The following MYO5C variants were observed in gnomAD, a reference collection of about 807,000 sequenced individuals.
MYO5C encodes the protein myosin VC, also known as unconventional myosin-Vc.
MYO5C carries 194 observed loss-of-function variants against 235.7 expected under a neutral mutation model. The observed-to-expected ratio is 0.82, with a 90% CI of 0.73 to 0.93. The LOEUF is 0.93. MYO5C is among the 40% of genes least tolerant of loss of function. The pLI is 0.00. For synonymous variants in MYO5C, 707 were observed against 754.8 expected, an observed-to-expected ratio of 0.94 and a Z score of 1.04; for missense variants, 2,038 against 2,127.2, an observed-to-expected ratio of 0.96 and a Z score of 0.82.
intron 38 of MYO5C, 97 bp downstream of exon 38, chr15:52,204,768 A>C: frequency 7.1e-7 from 1 of 1,415,366 alleles, no homozygotes; most frequent in Non-Finnish European, 9.5e-7. Context: ...CAGGGGTTTG[A>C]CGCCACAGCA....
At chr15:52,228,206 C>T (rs1169319925) in intron 25 of MYO5C, among the ~76,000 whole-genome samples, 3 of 151,772 alleles carry the variant, frequency 2.0e-5, no homozygotes, top group African/African-American at 7.3e-5. Flanking sequence ...TGCAGTGGCG[C>T]GATCTCGGCT....
At chr15:52,225,015 C>G (rs1445069669) in intron 27 of MYO5C, 34 bp from the exon 28 acceptor site, 1 of 1,613,380 alleles carries the variant, frequency 6.2e-7, no homozygotes, top group East Asian at 2.2e-5. Context: ...AATCTATCAT[C>G]TCTGTCACGT....
rs545801255 is a variant in MYO5C at position 52,198,727 on chromosome 15, G to A, written c.4821-2244C>T. Reference sequence around the variant, plus strand: ...CTCCCGAGTAGGTGGGACTACAGGCGCCTGCCACCACGCCTGGCTAATTTT... The same window carrying A: ...CTCCCGAGTAGGTGGGACTACAGGCACCTGCCACCACGCCTGGCTAATTTT... On this transcript the variant is annotated intron_variant, in intron 38 of 40. Coordinates refer to ENST00000261839, the MANE Select transcript of MYO5C (RefSeq NM_018728.4). Among the ~76,000 whole-genome samples, 554 of 151,386 alleles carry A rather than the reference G, an allele frequency of 3.7e-3. 1 individual carries two copies. Among genetic ancestry groups the A allele is most frequent in the Non-Finnish European group, 7.0e-3 (472 of 67,824 alleles).
chr15:52,256,593 G>GCGCGCACGCGCGCGCGCGCA (rs1555417678), intron 11 of MYO5C, 46 bp downstream of exon 11: 2 of 1,275,586 alleles, frequency 1.6e-6, no homozygotes, highest in African/African-American at 5.4e-5. Flanking sequence ...ACACACGCGC[G>GCGCGCACGCGCGCGCGCGCA]CGCGCGCGGC....
chr15:52,241,925 G>A (rs1335555403), intron 20 of MYO5C, 123 bp downstream of exon 20: 15 of 1,105,948 alleles, frequency 1.4e-5, no homozygotes, highest in Non-Finnish European at 1.9e-5. Context: ...CTCCTTTCTG[G>A]CTTGGCTGAC....
chr15:52,231,097 G>A (rs1291912388), intron 24 of MYO5C, among the ~76,000 whole-genome samples: 2 of 152,138 alleles, frequency 1.3e-5, no homozygotes, highest in East Asian at 1.9e-4. Context: ...CAAAGTGCTG[G>A]GATTACAGGT....
chr15:52,203,667 C>A (rs2035237470), intron 38 of MYO5C, among the ~76,000 whole-genome samples: 1 of 152,184 alleles, frequency 6.6e-6, no homozygotes, highest in Non-Finnish European at 1.5e-5. Context: ...TAAAAATACA[C>A]AATTAAGTTA....
intron 13 of MYO5C, among the ~76,000 whole-genome samples, chr15:52,250,242 C>CTTT (rs926393877): frequency 1.2e-5 from 1 of 85,684 alleles, no homozygotes; most frequent in Non-Finnish European, 2.1e-5. Context: ...TTTTCTTTTT[C>CTTT]TTTTTCTTTT....
chr15:52,261,166 C>T (rs1464224023), intron 9 of MYO5C, 39 bp from the exon 10 acceptor site: 1 of 1,603,724 alleles, frequency 6.2e-7, no homozygotes, highest in Non-Finnish European at 8.5e-7. Flanking sequence ...GTGGCCCAGC[C>T]ATCCAAAGAC....
At chr15:52,252,724 G>A (rs1020375307) in intron 12 of MYO5C, among the ~76,000 whole-genome samples, 10 of 151,500 alleles carry the variant, frequency 6.6e-5, no homozygotes, top group African/African-American at 1.5e-4. Flanking sequence ...GCAGTGAGCC[G>A]AGATGGCACC....
At chr15:52,219,637 A>G (rs957078501) in intron 31 of MYO5C, 122 bp downstream of exon 31, 10 of 700,346 alleles carry the variant, frequency 1.4e-5, no homozygotes, top group Non-Finnish European at 2.0e-5. Context: ...GAATGGCAAT[A>G]TGTCATATAT....
At chr15:52,222,346 CT>C (rs1438866540) in intron 29 of MYO5C, among the ~76,000 whole-genome samples, 1 of 152,196 alleles carries the variant, frequency 6.6e-6, no homozygotes, top group Non-Finnish European at 1.5e-5. Context: ...GTGTCCACCC[CT>C]GGTCCTCAAC....
intron 1 of MYO5C, among the ~76,000 whole-genome samples, chr15:52,290,879 A>G: frequency 6.6e-6 from 1 of 152,164 alleles, no homozygotes; most frequent in East Asian, 1.9e-4. Context: ...AAAAAAATCA[A>G]CTGTATTATA....
intron 39 of MYO5C, among the ~76,000 whole-genome samples, chr15:52,195,962 C>CTTT (rs71130140): frequency 0.036 from 2,925 of 80,498 alleles, 218 homozygotes; most frequent in East Asian, 0.091. Context: ...TCACACCCAG[C>CTTT]TTTTTTTTTT....
Position 52,279,884 on chromosome 15 carries a change from C to T in MYO5C, c.139-210G>A, listed in dbSNP as rs115209395. Among the ~76,000 whole-genome samples, 705 of 152,260 alleles carry T rather than the reference C, an allele frequency of 4.6e-3. 7 individuals are homozygous for T. The highest frequency in any genetic ancestry group is 0.016 in the African/African-American group (672 of 41,542). ...GGGACTAGGGCACTGGCTATGTGCA[C>T]TGGGGCAAGTCACTCACCCTCTCTG... On this transcript the variant is annotated intron_variant, in intron 2 of 40. Coordinates refer to ENST00000261839, the MANE Select transcript of MYO5C (RefSeq NM_018728.4).
At chr15:52,222,030 T>C (rs1326804853) in intron 29 of MYO5C, among the ~76,000 whole-genome samples, 1 of 152,216 alleles carries the variant, frequency 6.6e-6, no homozygotes, top group South Asian at 2.1e-4. Flanking sequence ...TTCAACACTT[T>C]ATTATAAAAA....
chr15:52,235,015 C>G (rs1351245992), intron 23 of MYO5C, among the ~76,000 whole-genome samples: 1 of 152,178 alleles, frequency 6.6e-6, no homozygotes, highest in African/African-American at 2.4e-5. Flanking sequence ...GTTGCCTTTT[C>G]TGGGGTACAA....
rs1280612179 is a variant in MYO5C, at chr15:52,247,596, G to C, written c.1747-4C>G. ...AAAAGTTGGCACAGAGATGAAACTG[G>C]AAGGAACAGAGAGGATCTCAATGTC... On this transcript the variant is annotated splice_region_variant and splice_polypyrimidine_tract_variant and intron_variant, in intron 14 of 40. Coordinates refer to ENST00000261839, the MANE Select transcript of MYO5C (RefSeq NM_018728.4). The C allele has an allele frequency of 6.2e-7, 1 of 1,613,948 alleles. No homozygotes were observed. The highest frequency in any genetic ancestry group is 8.5e-7 in the Non-Finnish European group (1 of 1,179,922).
At chr15:52,281,324 G>A (rs1483762650) in intron 2 of MYO5C, among the ~76,000 whole-genome samples, 4 of 152,326 alleles carry the variant, frequency 2.6e-5, no homozygotes, top group Middle Eastern at 6.8e-3. Flanking sequence ...GCTAAAGAGA[G>A]GTCTGGCTGC....
Sources: gnomAD v4.1 joint callset for allele counts (sites outside exome capture counted in the v4.1 genomes callset) on GRCh38, gnomAD v4.1.1 for gene constraint, MANE v1.5 for transcripts, NCBI Gene and HGNC (gene_info 2026-07-23, HGNC 2026-07-21) for gene names.